The following CLYBL variants were observed in gnomAD, a reference collection of about 807,000 sequenced individuals.
The protein encoded by CLYBL is citramalyl-CoA lyase, mitochondrial.
CLYBL carries 31 observed loss-of-function variants against 38.9 expected under a neutral mutation model. That is an observed-to-expected ratio of 0.80 (90% CI 0.60 to 1.08). The LOEUF is 1.08. Ranked by LOEUF, CLYBL falls within the 50% of genes least tolerant of loss-of-function variation. CLYBL has a pLI of 0.00. For synonymous variants in CLYBL, 171 were observed against 158.6 expected (o/e 1.08, Z -0.59); for missense variants, 434 against 411.6 (o/e 1.05, Z -0.47).
At chr13:99,905,428 G>A (rs1397209020) in intron 9 of CLYBL, among the ~76,000 whole-genome samples, 1 of 152,180 alleles carries the variant, frequency 6.6e-6, no homozygotes, top group Non-Finnish European at 1.5e-5. Flanking sequence ...ACATCACTGT[G>A]TTAGTGACTG....
At chr13:99,751,149 G>A (rs372774498) in intron 1 of CLYBL, among the ~76,000 whole-genome samples, 30 of 152,246 alleles carry the variant, frequency 2.0e-4, no homozygotes, top group Admixed American at 1.4e-3. Context: ...ATATCCATAC[G>A]ATGGAATATT....
intron 7 of CLYBL, among the ~76,000 whole-genome samples, chr13:99,880,050 GTATA>G (rs4001018): frequency 4.1e-5 from 4 of 97,594 alleles, no homozygotes; most frequent in East Asian, 2.8e-4. Flanking sequence ...ATGTGTGTAT[GTATA>G]TATATATATA....
chr13:99,734,834 A>G lies in CLYBL; in HGVS notation c.63-37990A>G, dbSNP rs370476238. Among the ~76,000 whole-genome samples the G allele has an allele frequency of 3.3e-3, 507 of 152,300 alleles. 4 individuals carry two copies. Among genetic ancestry groups the G allele is most frequent in the Middle Eastern group, 0.031 (9 of 294 alleles). ...GTTAAGCAAAATGCTGTTCCCCCCAAAAGATTTCCGTTCTTCTCACAAGTA... is the reference window on the plus strand; with the variant it reads ...GTTAAGCAAAATGCTGTTCCCCCCAGAAGATTTCCGTTCTTCTCACAAGTA... On this transcript the variant is annotated intron_variant, in intron 1 of 8. Coordinates refer to ENST00000339105, the MANE Select transcript of CLYBL (RefSeq NM_206808.5).
intron 1 of CLYBL, among the ~76,000 whole-genome samples, chr13:99,618,151 T>C (rs1268715170): frequency 6.6e-6 from 1 of 152,188 alleles, no homozygotes; most frequent in Non-Finnish European, 1.5e-5. Context: ...TGGCAGTGCC[T>C]GATATAAATT....
chr13:99,622,508 C>T (rs1232341638), intron 1 of CLYBL, among the ~76,000 whole-genome samples: 2 of 152,210 alleles, frequency 1.3e-5, no homozygotes, highest in African/African-American at 2.4e-5. Flanking sequence ...ATTGCCCCTA[C>T]CCTAGTGGCA....
chr13:99,700,741 G>C (rs1008134622), intron 1 of CLYBL, among the ~76,000 whole-genome samples: 16 of 152,304 alleles, frequency 1.1e-4, no homozygotes, highest in Non-Finnish European at 2.2e-4. Context: ...ACTCAAATGT[G>C]TATTTGCTGC....
intron 2 of CLYBL, among the ~76,000 whole-genome samples, chr13:99,842,665 T>A (rs1594215702): frequency 6.6e-6 from 1 of 151,888 alleles, no homozygotes; most frequent in South Asian, 2.1e-4. Flanking sequence ...CAACCCCAAG[T>A]GGGTGTGCAC....
At position 99,622,787 on chromosome 13, in the gene CLYBL, TTTTG is replaced by T. The variant is rs1300005562; in HGVS notation, c.62+16034_62+16037del. ...TCCTTTGTATGGATATAGCACTACA[TTTTG>T]TTTATTTTTTAAATTAAATTTAATT... is the stretch of plus-strand genomic sequence containing the variant. On this transcript the variant is annotated intron_variant, in intron 1 of 8. Transcript: ENST00000339105. 1.1e-4 allele frequency among the ~76,000 whole-genome samples: 9 copies of T among 80,688 alleles called. No individual in the cohort carries two copies. The East Asian group carries it at 1.6e-3, about 14-fold the overall frequency. 52.9% of individuals were successfully genotyped at this position (80,688 alleles called of 152,430 possible).
intron 1 of CLYBL, among the ~76,000 whole-genome samples, chr13:99,713,684 CTGATTGAT>C (rs931206459): frequency 9.3e-5 from 14 of 150,784 alleles, no homozygotes; most frequent in African/African-American, 3.2e-4. Flanking sequence ...TCTAATGTTT[CTGATTGAT>C]TGATTGATTG....
intron 2 of CLYBL, among the ~76,000 whole-genome samples, chr13:99,836,303 G>A (rs1028450656): frequency 6.6e-6 from 1 of 152,206 alleles, no homozygotes; most frequent in African/African-American, 2.4e-5. Context: ...ATACAGGGGA[G>A]TGAGGCGTTT....
At chr13:99,877,179 C>T (rs902900357) in intron 7 of CLYBL, among the ~76,000 whole-genome samples, 1 of 152,218 alleles carries the variant, frequency 6.6e-6, no homozygotes, top group African/African-American at 2.4e-5. Context: ...TCAAGGACAT[C>T]AAAGGACAGG....
intron 2 of CLYBL, among the ~76,000 whole-genome samples, chr13:99,850,737 C>T (rs1017208258): frequency 6.6e-6 from 1 of 152,146 alleles, no homozygotes; most frequent in African/African-American, 2.4e-5. Context: ...ATGTTCATAG[C>T]AGCATTATTC....
intron 1 of CLYBL, among the ~76,000 whole-genome samples, chr13:99,757,796 T>TA (rs1179918202): frequency 1.3e-5 from 2 of 152,230 alleles, no homozygotes; most frequent in Admixed American, 1.3e-4. Flanking sequence ...GCCTAGGTTT[T>TA]ATCCCAGACC....
At chr13:99,750,932 A>C (rs9554631) in intron 1 of CLYBL, among the ~76,000 whole-genome samples, 25,953 of 152,110 alleles carry the variant, frequency 0.17, 3,090 homozygotes, top group East Asian at 0.37. Flanking sequence ...TGATATAGCC[A>C]CTGTGGAAAG....
chr13:99,883,123 A>C (rs1373373613), intron 7 of CLYBL, among the ~76,000 whole-genome samples: 1 of 152,182 alleles, frequency 6.6e-6, no homozygotes, highest in Non-Finnish European at 1.5e-5. Context: ...TGGGCCCATC[A>C]GTGCATGTAG....
In CLYBL at chr13:99,721,088, G is replaced by A. The variant is rs139070436; in HGVS notation, c.63-51736G>A. ...AATGGAGTTTCACTCTTGCCGCCCA[G>A]GCTGGAGTGCAGTGATGTGATATCT... is the stretch of plus-strand genomic sequence containing the variant. On this transcript the variant is annotated intron_variant, in intron 1 of 8. Coordinates refer to ENST00000339105, the MANE Select transcript of CLYBL (RefSeq NM_206808.5). 1.4e-3 allele frequency among the ~76,000 whole-genome samples: 214 copies of A among 149,946 alleles called. 2 individuals carry two copies. The highest frequency in any genetic ancestry group is 5.1e-3 in the African/African-American group (207 of 40,454).
At chr13:99,757,010 C>CCTCA (rs1438602762) in intron 1 of CLYBL, among the ~76,000 whole-genome samples, 4 of 152,012 alleles carry the variant, frequency 2.6e-5, no homozygotes, top group African/African-American at 9.7e-5. Context: ...GGTCCTCTCA[C>CCTCA]CTCAGCCTCA....
intron 1 of CLYBL, among the ~76,000 whole-genome samples, chr13:99,640,705 A>G (rs902561961): frequency 4.6e-5 from 7 of 152,240 alleles, no homozygotes; most frequent in African/African-American, 4.8e-5. Context: ...ACACATGATA[A>G]AAGTAGCCCT....
intron 2 of CLYBL, among the ~76,000 whole-genome samples, chr13:99,785,226 A>G (rs1226974295): frequency 1.2e-5 from 1 of 80,194 alleles, no homozygotes; most frequent in Non-Finnish European, 2.5e-5. Flanking sequence ...TTTTTTTTTT[A>G]AAGACAGGGT....
Sources: gnomAD v4.1 joint callset for allele counts (sites outside exome capture counted in the v4.1 genomes callset) on GRCh38, gnomAD v4.1.1 for gene constraint, MANE v1.5 for transcripts, NCBI Gene and HGNC (gene_info 2026-07-23, HGNC 2026-07-21) for gene names.